Variants in SEPSECS observed in about 807,000 individuals in gnomAD.
SEPSECS encodes Sep (O-phosphoserine) tRNA:Sec (selenocysteine) tRNA synthase.
Under a neutral mutation model 52.1 loss-of-function variants are expected in SEPSECS, and 42 were observed. That is an observed-to-expected ratio of 0.81 (90% CI 0.63 to 1.04). The LOEUF is 1.04. Among genes scored for constraint, SEPSECS ranks in the 50% least tolerant of loss-of-function variants. The pLI, the probability that SEPSECS is intolerant of heterozygous loss-of-function variation, is 0.00. For missense variants in SEPSECS, 590 were observed against 610.6 expected (o/e 0.97, Z 0.36); for synonymous variants, 216 against 211.4 (o/e 1.02, Z -0.19).
chr4:25,148,352 C>CAA lies in SEPSECS; in HGVS notation c.805-3221_805-3220dup, dbSNP rs34262935. 3.6e-3 allele frequency among the ~76,000 whole-genome samples: 272 copies of CAA among 75,532 alleles called. 1 individual carries two copies. Among genetic ancestry groups the CAA allele is most frequent in the African/African-American group, 5.1e-3 (91 of 18,004 alleles). 49.6% of individuals were successfully genotyped at this position (75,532 alleles called of 152,430 possible). ...TGGGCGACAGAGCGAGACTCCGTCT[C>CAA]AAAAAAAAAAAAAAAAAAAAAAAAG... On this transcript the variant is annotated intron_variant, in intron 6 of 10. Coordinates refer to ENST00000382103, the MANE Select transcript of SEPSECS (RefSeq NM_016955.4).
chr4:25,126,480 G>A (rs752757166), intron 9 of SEPSECS, among the ~76,000 whole-genome samples: 1 of 152,038 alleles, frequency 6.6e-6, no homozygotes, highest in African/African-American at 2.4e-5. Context: ...TCCTAAAAAA[G>A]GCTTCAGCTA....
In SEPSECS at chr4:25,144,550, T is replaced by C. The variant is rs73252525; in HGVS notation, c.1026+224A>G. On this transcript the variant is annotated intron_variant, in intron 8 of 10. Transcript: ENST00000382103. ...CAGGAGTTTCTAAAAAGTAAATAAA[T>C]AAAAGCAAAATCACCTAACCCAGAT... Among the ~76,000 whole-genome samples, 14,149 of 151,190 alleles carry C rather than the reference T, an allele frequency of 0.094. 843 individuals are homozygous for C. Among genetic ancestry groups the C allele is most frequent in the South Asian group, 0.2 (953 of 4,756 alleles).
rs1456249620 is a variant in SEPSECS at position 25,120,456 on chromosome 4, AAT to A, written c.*3473_*3474del. 1 of 152,220 alleles carries A rather than the reference AAT, an allele frequency of 6.6e-6. No individual in the cohort carries two copies. The highest frequency in any genetic ancestry group is 1.5e-5 in the Non-Finnish European group (1 of 68,014). The allele number at this position is 152,220 out of a possible 1,614,324, so 9.4% of individuals were successfully genotyped here. A position where few individuals can be genotyped will look rare whatever the true frequency, so the allele number is the denominator to read the frequency against. ...GGCCATAAGAGACATTAACCAACAT[AAT>A]ATGACAGACAAGGAAAAAACTGACT... is the stretch of plus-strand genomic sequence containing the variant. On this transcript the variant is annotated 3_prime_UTR_variant, in exon 11 of 11. Transcript: ENST00000382103.
chr4:25,127,843 C>T (rs1311207197), intron 8 of SEPSECS, among the ~76,000 whole-genome samples: 1 of 152,192 alleles, frequency 6.6e-6, no homozygotes, highest in African/African-American at 2.4e-5. Flanking sequence ...TAAGGCCCCA[C>T]ATAATGTGAC....
intron 1 of SEPSECS, 57 bp from the exon 2 acceptor site, chr4:25,159,164 T>TC: frequency 7.3e-7 from 1 of 1,369,980 alleles, no homozygotes; most frequent in South Asian, 1.4e-5. Flanking sequence ...TTCTCTAGAA[T>TC]ACTACAGGAA....
intron 8 of SEPSECS, 92 bp downstream of exon 8, chr4:25,144,682 C>G: frequency 1.1e-6 from 1 of 886,676 alleles, no homozygotes. Flanking sequence ...TGTCTCCCTC[C>G]CAGTGCAAGA....
At chr4:25,143,478 G>C (rs986683773) in intron 8 of SEPSECS, among the ~76,000 whole-genome samples, 27 of 152,236 alleles carry the variant, frequency 1.8e-4, no homozygotes, top group Admixed American at 4.6e-4. Context: ...TTAGCATAAT[G>C]CATTTGAGAG....
chr4:25,124,191 C>T lies in SEPSECS; in HGVS notation c.1246G>A (p.Gly416Ser), dbSNP rs1379206427. The T allele has an allele frequency of 8.1e-6, 13 of 1,613,366 alleles. No homozygotes were observed. The highest frequency in any genetic ancestry group is 1.7e-5 in the Admixed American group (1 of 59,904). ...VPLGSMQTVS[G>S]YTFRGFMSHT... ...GACATAAAGCCTCTGAAAGTATAGC[C>T]ACTCACAGTTTGCATGGACCCAAGA... Residue 416 changes from glycine (G) to serine (S), a missense_variant, in exon 11 of 11, where the codon GGC (glycine) becomes AGC (serine). By Grantham distance (56) the Gly-to-Ser change is moderately conservative (BLOSUM62 0). Coordinates refer to ENST00000382103, the MANE Select transcript of SEPSECS (RefSeq NM_016955.4).
chr4:25,142,528 CT>C (rs1228288625), intron 8 of SEPSECS, among the ~76,000 whole-genome samples: 1 of 152,200 alleles, frequency 6.6e-6, no homozygotes, highest in Non-Finnish European at 1.5e-5. Context: ...CTATATATAT[CT>C]ATATGCCTGA....
chr4:25,149,906 T>A (rs1687991674), intron 6 of SEPSECS, among the ~76,000 whole-genome samples: 1 of 152,220 alleles, frequency 6.6e-6, no homozygotes, highest in Admixed American at 6.5e-5. Flanking sequence ...AGTCTTTCTC[T>A]AAAGGTTTTA....
intron 8 of SEPSECS, 71 bp from the exon 9 acceptor site, chr4:25,127,428 G>A (rs1287112841): frequency 1.1e-5 from 12 of 1,114,830 alleles, no homozygotes; most frequent in Non-Finnish European, 1.6e-5. Context: ...ACAAAAATCT[G>A]ATTGGTATGA....
At chr4:25,157,869 C>T (rs1229860208) in intron 2 of SEPSECS, among the ~76,000 whole-genome samples, 1 of 152,028 alleles carries the variant, frequency 6.6e-6, no homozygotes, top group African/African-American at 2.4e-5. Context: ...CTTTACTTTT[C>T]CCCTAATTCC....
At chr4:25,127,432 G>C (rs1728426869) in intron 8 of SEPSECS, 75 bp from the exon 9 acceptor site, 3 of 1,067,082 alleles carry the variant, frequency 2.8e-6, no homozygotes, top group Non-Finnish European at 4.3e-6. Flanking sequence ...AAATCTGATT[G>C]GTATGAAGTC....
intron 8 of SEPSECS, among the ~76,000 whole-genome samples, chr4:25,128,467 CA>C (rs1728476702): frequency 6.7e-6 from 1 of 150,274 alleles, no homozygotes; most frequent in Admixed American, 6.6e-5. Flanking sequence ...AAAAACAAAA[CA>C]AAAAAAGGCA....
intron 8 of SEPSECS, among the ~76,000 whole-genome samples, chr4:25,134,544 G>A (rs972642946): frequency 7.2e-5 from 11 of 152,126 alleles, no homozygotes; most frequent in South Asian, 6.2e-4. Flanking sequence ...CAAATTCCAA[G>A]GGGGCATTAT....
chr4:25,152,635 G>C (rs530449108), intron 5 of SEPSECS, among the ~76,000 whole-genome samples: 1 of 151,994 alleles, frequency 6.6e-6, no homozygotes, highest in South Asian at 2.1e-4. Context: ...AATAGCTACT[G>C]GTTTTAAATC....
At chr4:25,133,325 A>C (rs1405766192) in intron 8 of SEPSECS, among the ~76,000 whole-genome samples, 1 of 152,226 alleles carries the variant, frequency 6.6e-6, no homozygotes, top group Non-Finnish European at 1.5e-5. Context: ...ATCTGAGATG[A>C]AGGCATCCAA....
chr4:25,160,290 G>A lies in SEPSECS; in HGVS notation c.80C>T (p.Ser27Leu), dbSNP rs1025671757. The change falls in exon 1 of 11, where the codon TCG becomes TTG. Residue 27 changes from serine (S) to leucine (L), a missense_variant. By Grantham distance (145) the Ser-to-Leu change is moderately radical. Coordinates refer to ENST00000382103, the MANE Select transcript of SEPSECS (RefSeq NM_016955.4). ...YVRQGCEARR[S>L]HEHLIRLLLE... ...AAGCAGCCGTATGAGGTGCTCATGCGAGCGGCGGGCCTCACAGCCCTGCCG... is the reference window on the plus strand; with the variant it reads ...AAGCAGCCGTATGAGGTGCTCATGCAAGCGGCGGGCCTCACAGCCCTGCCG... The A allele has an allele frequency of 6.4e-7, 1 of 1,552,728 alleles. No homozygotes were observed.
At chr4:25,130,830 C>T (rs1298564904) in intron 8 of SEPSECS, among the ~76,000 whole-genome samples, 1 of 152,100 alleles carries the variant, frequency 6.6e-6, no homozygotes. Context: ...AAAGCTACTA[C>T]CGAACCTGTA....
Sources: allele counts gnomAD v4.1 joint callset (sites outside exome capture counted in the v4.1 genomes callset), GRCh38; gene constraint gnomAD v4.1.1; transcripts MANE v1.5; gene names NCBI Gene and HGNC (gene_info 2026-07-23, HGNC 2026-07-21).